The following SV2C variants were observed in gnomAD, a reference collection of about 807,000 sequenced individuals.
The protein encoded by SV2C is solute carrier family 22 member B3.
In SV2C, 49 loss-of-function variants were observed where a neutral mutation model predicts 79.7. That is an observed-to-expected ratio of 0.61 (90% CI 0.49 to 0.78). The LOEUF is 0.78. SV2C is among the 30% of genes least tolerant of loss of function. The pLI is 0.00. For missense variants in SV2C, 833 were observed against 912.9 expected (o/e 0.91, Z 1.13); for synonymous variants, 334 against 333.2 (o/e 1.00, Z -0.03).
chr5:75,968,709 C>T, the SV2C span, among the ~76,000 whole-genome samples: 1 of 152,116 alleles, frequency 6.6e-6, no homozygotes. Context: ...ATTGGTGTAC[C>T]TGAAAGTGAT....
downstream of SV2C, among the ~76,000 whole-genome samples, chr5:76,335,568 G>GCCCTC (rs2112580886): frequency 6.6e-6 from 1 of 152,134 alleles, no homozygotes; most frequent in African/African-American, 2.4e-5. Context: ...GGACCCTGCG[G>GCCCTC]CCCTCCGCAG....
At chr5:75,910,393 G>A in the SV2C span, 3 of 583,496 alleles carry the variant, frequency 5.1e-6, no homozygotes, top group African/African-American at 1.9e-5. Context: ...CCCACTCACT[G>A]CTGTAGATTT....
chr5:76,243,319 T>G (rs1043602667), intron 4 of SV2C, among the ~76,000 whole-genome samples: 1 of 152,212 alleles, frequency 6.6e-6, no homozygotes, highest in Non-Finnish European at 1.5e-5. Flanking sequence ...GCTCTCAGAT[T>G]AGTTCTACAG....
the SV2C span, among the ~76,000 whole-genome samples, chr5:76,073,503 G>GTGTATATATATATA: frequency 2.5e-4 from 17 of 67,442 alleles, no homozygotes; most frequent in African/African-American, 4.6e-4. Flanking sequence ...GTATGTGTGT[G>GTGTATATATATATA]TATATATATA....
the SV2C span, among the ~76,000 whole-genome samples, chr5:75,930,167 C>T: frequency 6.6e-5 from 10 of 152,136 alleles, no homozygotes; most frequent in Admixed American, 1.3e-4. Context: ...TCCCTTCCCC[C>T]GCTTCTCCCC....
intron 3 of SV2C, among the ~76,000 whole-genome samples, chr5:76,195,707 TA>T (rs1202792719): frequency 2.6e-5 from 4 of 152,158 alleles, no homozygotes; most frequent in Non-Finnish European, 5.9e-5. Flanking sequence ...AATGAATCCA[TA>T]AGCATAGAAA....
chr5:75,977,985 C>G, the SV2C span, among the ~76,000 whole-genome samples: 2 of 152,186 alleles, frequency 1.3e-5, no homozygotes, highest in African/African-American at 4.8e-5. Flanking sequence ...GCTTAGCACC[C>G]CTTTCCAGCA....
At chr5:75,867,501 C>T in the SV2C span, among the ~76,000 whole-genome samples, 1 of 152,110 alleles carries the variant, frequency 6.6e-6, no homozygotes, top group Non-Finnish European at 1.5e-5. Flanking sequence ...GCTAAAAATT[C>T]CTGGACTGGA....
chr5:75,885,175 C>G, the SV2C span, among the ~76,000 whole-genome samples: 2 of 152,102 alleles, frequency 1.3e-5, no homozygotes, highest in Admixed American at 1.3e-4. Flanking sequence ...TATTGTCACC[C>G]TCCCATCCCC....
At chr5:76,227,786 G>T (rs1745297075) in intron 4 of SV2C, among the ~76,000 whole-genome samples, 1 of 152,174 alleles carries the variant, frequency 6.6e-6, no homozygotes, top group Non-Finnish European at 1.5e-5. Flanking sequence ...ATAAGCTTGT[G>T]CTGTGGGGCT....
chr5:75,880,032 A>G, the SV2C span, among the ~76,000 whole-genome samples: 1 of 152,184 alleles, frequency 6.6e-6, no homozygotes, highest in African/African-American at 2.4e-5. Context: ...CCTTTGAGCC[A>G]TGGCTGGAGC....
intron 12 of SV2C, among the ~76,000 whole-genome samples, chr5:76,309,599 CAAAAAAAAA>C (rs769865757): frequency 5.3e-4 from 10 of 18,714 alleles, no homozygotes; most frequent in Admixed American, 2.4e-3. Context: ...AACTCCATCT[CAAAAAAAAA>C]AAAAAAAAAA....
At chr5:76,262,400 T>C (rs1042268343) in intron 4 of SV2C, among the ~76,000 whole-genome samples, 8 of 152,138 alleles carry the variant, frequency 5.3e-5, no homozygotes, top group African/African-American at 1.9e-4. Context: ...CCTGGATTCA[T>C]TGATTTTTTT....
intron 12 of SV2C, among the ~76,000 whole-genome samples, chr5:76,319,032 C>T (rs573780950): frequency 9.9e-5 from 15 of 152,138 alleles, no homozygotes; most frequent in Non-Finnish European, 1.9e-4. Flanking sequence ...AACTAAAAGC[C>T]TATTTATTTT....
chr5:75,902,790 T>A, the SV2C span, among the ~76,000 whole-genome samples: 1 of 152,192 alleles, frequency 6.6e-6, no homozygotes, highest in African/African-American at 2.4e-5. Context: ...AAAATAGGGC[T>A]AACAAAATGA....
At chr5:76,027,804 C>G in the SV2C span, among the ~76,000 whole-genome samples, 1 of 152,182 alleles carries the variant, frequency 6.6e-6, no homozygotes, top group Non-Finnish European at 1.5e-5. Context: ...TTCTTCATTA[C>G]TGAGTCAACA....
chr5:76,278,815 A>G (rs1747097271), intron 4 of SV2C, among the ~76,000 whole-genome samples: 1 of 152,244 alleles, frequency 6.6e-6, no homozygotes, highest in Admixed American at 6.5e-5. Flanking sequence ...GGAGGCTTTC[A>G]AGTGACAGAG....
At chr5:76,308,572 C>T (rs772124709) in intron 12 of SV2C, among the ~76,000 whole-genome samples, 2 of 152,156 alleles carry the variant, frequency 1.3e-5, no homozygotes, top group Non-Finnish European at 2.9e-5. Context: ...GCTAGACTGC[C>T]GTTTTCCTGG....
chr5:75,946,789 C>A, the SV2C span, among the ~76,000 whole-genome samples: 1 of 151,962 alleles, frequency 6.6e-6, no homozygotes, highest in East Asian at 1.9e-4. Context: ...AGGTACAACA[C>A]AAAAGAATTT....
Sources: allele counts gnomAD v4.1 joint callset (sites outside exome capture counted in the v4.1 genomes callset), GRCh38; gene constraint gnomAD v4.1.1; transcripts MANE v1.5; gene names NCBI Gene and HGNC (gene_info 2026-07-23, HGNC 2026-07-21).